ABCA13: variants seen among roughly 807,000 people sequenced by gnomAD.
ABCA13 encodes ATP-binding cassette sub-family A member 13.
ABCA13 carries 476 observed loss-of-function variants against 478.7 expected under a neutral mutation model. The ratio of observed to expected loss-of-function variants is 0.99; its 90% CI spans 0.92 to 1.07. The LOEUF (loss-of-function observed/expected upper bound fraction) is 1.07, where lower values mean the gene tolerates loss of function less well. Ranked by LOEUF, ABCA13 falls within the 50% of genes least tolerant of loss-of-function variation. The probability of loss-of-function intolerance (pLI) is 0.00; values close to 1 mark genes in which losing one functional copy is unlikely to be tolerated. For synonymous variants in ABCA13, 2,252 were observed against 2,158.9 expected (o/e 1.04, Z -1.20); for missense variants, 6,060 against 5,910.6 (o/e 1.03, Z -0.83).
At chr7:48,511,256 C>A in intron 51 of ABCA13, 57 bp downstream of exon 51, 1 of 1,419,636 alleles carries the variant, frequency 7.0e-7, no homozygotes, top group Non-Finnish European at 9.7e-7. Context: ...AAGAGAAAAC[C>A]CTCAGGATGG....
Position 48,272,534 on chromosome 7 carries a change from G to T in ABCA13, c.2868G>T (p.Lys956Asn), listed in dbSNP as rs776360790. Residue 956 changes from lysine to asparagine, a missense_variant, in exon 17 of 62, where the codon AAG (lysine) becomes AAT (asparagine). Lys to Asn is a moderately conservative substitution (Grantham distance 94). This residue lies in a region of ABCA13 where 4,423 missense variants were observed against 4,309.1 expected (regional missense o/e 1.03). Transcript: ENST00000435803. ...TACACCTAAATGTCTTCCAGGACAA[G>T]GATTCAGCTTTACTTCTGCAAATTT... ...THIHLNVFQD[K>N]DSALLLQIYS... 2 of 1,613,712 alleles carry T rather than the reference G, an allele frequency of 1.2e-6. No individual in the cohort carries two copies. The highest frequency in any genetic ancestry group is 1.7e-6 in the Non-Finnish European group (2 of 1,179,740).
chr7:48,376,382 CA>C, intron 34 of ABCA13, 58 bp from the exon 35 acceptor site: 1 of 1,573,276 alleles, frequency 6.4e-7, no homozygotes, highest in South Asian at 1.2e-5. Flanking sequence ...CTCATCATGA[CA>C]AAATCTACCA....
At chr7:48,483,277 G>A (rs1395529090) in intron 47 of ABCA13, 114 bp downstream of exon 47, 8 of 868,804 alleles carry the variant, frequency 9.2e-6, no homozygotes, top group Non-Finnish European at 1.4e-5. Context: ...CCAATCATTT[G>A]TTACTAAGCA....
chr7:48,200,615 A>G (rs918487817), intron 3 of ABCA13, among the ~76,000 whole-genome samples: 2 of 152,206 alleles, frequency 1.3e-5, no homozygotes, highest in African/African-American at 4.8e-5. Context: ...TGCCCAAGTC[A>G]GAGGTATAAG....
At position 48,410,977 on chromosome 7, in the gene ABCA13, C is replaced by CTCTTTCTTTCTTTCTT. The variant is rs551665857; in HGVS notation, c.12228+358_12228+373dup. Reference sequence around the variant, plus strand: ...ACCTATGTATTCTAGAAATTCTTTTCTCTTTCTTTCTTTCTTTCTTTCTTT... The same window carrying CTCTTTCTTTCTTTCTT: ...ACCTATGTATTCTAGAAATTCTTTTCTCTTTCTTTCTTTCTTTCTTTCTTTCTTTCTTTCTTTCTTT... On this transcript the variant is annotated intron_variant, in intron 40 of 61. Coordinates refer to ENST00000435803, the MANE Select transcript of ABCA13 (RefSeq NM_152701.5). 1.1e-3 allele frequency among the ~76,000 whole-genome samples: 120 copies of CTCTTTCTTTCTTTCTT among 104,688 alleles called. 2 individuals are homozygous for CTCTTTCTTTCTTTCTT. Among genetic ancestry groups the CTCTTTCTTTCTTTCTT allele is most frequent in the East Asian group, 1.5e-3 (5 of 3,290 alleles). 68.7% of individuals were successfully genotyped at this position (104,688 alleles called of 152,430 possible).
chr7:48,536,653 A>G (rs568422390), intron 55 of ABCA13, among the ~76,000 whole-genome samples: 182 of 152,236 alleles, frequency 1.2e-3, no homozygotes, highest in Non-Finnish European at 1.8e-3. Flanking sequence ...ATCTCAAAAA[A>G]AAAAAAAATT....
intron 59 of ABCA13, among the ~76,000 whole-genome samples, chr7:48,635,467 G>A (rs897868775): frequency 6.6e-6 from 1 of 152,070 alleles, no homozygotes; most frequent in Non-Finnish European, 1.5e-5. Context: ...TCTCCCATGT[G>A]GAAACCCCAC....
At chr7:48,255,123 AT>A (rs1172280845) in intron 15 of ABCA13, among the ~76,000 whole-genome samples, 1 of 152,012 alleles carries the variant, frequency 6.6e-6, no homozygotes, top group Non-Finnish European at 1.5e-5. Context: ...ACATACAGAA[AT>A]TTTTTTCCAA....
In ABCA13 at chr7:48,295,701, A is replaced by C. The variant is rs1322930177; in HGVS notation, c.8957A>C (p.Glu2986Ala). 2 of 1,614,040 alleles carry C rather than the reference A, an allele frequency of 1.2e-6. No homozygotes were observed. The highest frequency in any genetic ancestry group is 1.7e-5 in the Admixed American group (1 of 60,032). Residue 2986 changes from glutamate to alanine, a missense_variant and splice_region_variant, in exon 21 of 62, where the codon GAA becomes GCA. Transcript: ENST00000435803. ...GVTLAQDHFQ[E>A]IEKIWSSPNQ... The stretch of plus-strand genomic sequence containing the variant: ...CTATATCATTGCTATGTTTTCTAGG[A>C]AATTGAAAAGATATGGTCCTCGCCG...
At chr7:48,605,004 T>A (rs552109765) in intron 58 of ABCA13, among the ~76,000 whole-genome samples, 2 of 152,356 alleles carry the variant, frequency 1.3e-5, no homozygotes, top group African/African-American at 4.8e-5. Flanking sequence ...TCTCTTTTGA[T>A]CTTTGTTGGT....
chr7:48,518,523 T>TAA lies in ABCA13; in HGVS notation c.13798-1509_13798-1508dup, dbSNP rs375934120. Among the ~76,000 whole-genome samples the TAA allele has an allele frequency of 6.7e-5, 10 of 150,204 alleles. No homozygotes were observed. The East Asian group carries it at 1.6e-3, about 24-fold the overall frequency. ...ATTATAAACAGCATTGCTTACTTGT[T>TAA]AAAAAAAAAATCAACAGGCAATGAA... On this transcript the variant is annotated intron_variant, in intron 52 of 61. Transcript: ENST00000435803.
intron 39 of ABCA13, among the ~76,000 whole-genome samples, chr7:48,408,129 T>G (rs1197616252): frequency 1.3e-5 from 2 of 152,212 alleles, no homozygotes; most frequent in Non-Finnish European, 2.9e-5. Context: ...ATATAATGCA[T>G]TATTACTAAC....
At chr7:48,207,442 C>G (rs983641865) in intron 3 of ABCA13, among the ~76,000 whole-genome samples, 6 of 152,016 alleles carry the variant, frequency 3.9e-5, no homozygotes, top group Admixed American at 3.3e-4. Flanking sequence ...TCCTTTTTCC[C>G]AACCCCTCAC....
At position 48,427,799 on chromosome 7, in the gene ABCA13, A is replaced by G. The variant is rs764001947; in HGVS notation, c.12493A>G (p.Lys4165Glu). Residue 4165 changes from lysine (K) to glutamate (E), a missense_variant, in exon 42 of 62, where the codon AAA becomes GAA. Lys to Glu is a moderately conservative substitution (Grantham distance 56). Coordinates refer to ENST00000435803, the MANE Select transcript of ABCA13 (RefSeq NM_152701.5). ...GATGCTTTTGCAAGATTCCAACAAGAAATCTCACATTGCCCTGGGGACTGA... is the reference window on the plus strand; with the variant it reads ...GATGCTTTTGCAAGATTCCAACAAGGAATCTCACATTGCCCTGGGGACTGA... ...FLMLLQDSNK[K>E]SHIALGTESE... The G allele has an allele frequency of 8.1e-6, 13 of 1,613,628 alleles. No individual in the cohort carries two copies. In the East Asian group the frequency reaches 2.5e-4, roughly 30 times the overall value.
chr7:48,551,729 G>T (rs1467315660), intron 55 of ABCA13, among the ~76,000 whole-genome samples: 1 of 150,848 alleles, frequency 6.6e-6, no homozygotes, highest in Admixed American at 6.6e-5. Context: ...AATCTTAGTT[G>T]TGTTTTATTT....
At chr7:48,393,654 A>C (rs1585133566) in intron 38 of ABCA13, among the ~76,000 whole-genome samples, 1 of 152,126 alleles carries the variant, frequency 6.6e-6, no homozygotes, top group African/African-American at 2.4e-5. Flanking sequence ...TTTTTCCGCT[A>C]TGTGCTTCAT....
chr7:48,558,628 T>G (rs1786117816), intron 55 of ABCA13, among the ~76,000 whole-genome samples: 2 of 149,666 alleles, frequency 1.3e-5, no homozygotes, highest in South Asian at 4.2e-4. Context: ...CTAGAATTAC[T>G]TCTTGATTCT....
At chr7:48,344,187 T>C (rs780799157) in intron 29 of ABCA13, among the ~76,000 whole-genome samples, 1 of 152,196 alleles carries the variant, frequency 6.6e-6, no homozygotes, top group Non-Finnish European at 1.5e-5. Flanking sequence ...TGTCTGGAGA[T>C]ATTTTTGGTT....
At chr7:48,413,956 T>C (rs994404980) in intron 41 of ABCA13, among the ~76,000 whole-genome samples, 1 of 152,194 alleles carries the variant, frequency 6.6e-6, no homozygotes, top group Non-Finnish European at 1.5e-5. Context: ...GGGTTTCTGA[T>C]AGTTAGTCAA....
Sources: gnomAD v4.1 joint callset for allele counts (sites outside exome capture counted in the v4.1 genomes callset) on GRCh38, gnomAD v4.1.1 for gene constraint, gnomAD v4.1.1 regional missense constraint, MANE v1.5 for transcripts, NCBI Gene and HGNC (gene_info 2026-07-23, HGNC 2026-07-21) for gene names.